SLC7A11: variants seen among roughly 807,000 people sequenced by gnomAD.
The protein encoded by SLC7A11 is solute carrier family 7 member 11.
A neutral mutation model predicts 54.5 loss-of-function variants in SLC7A11; 35 were observed. The observed-to-expected ratio is 0.64, with a 90% CI of 0.49 to 0.85. The LOEUF (loss-of-function observed/expected upper bound fraction) is 0.85, where lower values mean the gene tolerates loss of function less well. Ranked by LOEUF, SLC7A11 falls within the 40% of genes least tolerant of loss-of-function variation. The pLI is 0.00. For synonymous variants in SLC7A11, 230 were observed against 225.2 expected (o/e 1.02, Z -0.19); for missense variants, 583 against 618.1 (o/e 0.94, Z 0.60).
intron 1 of SLC7A11, among the ~76,000 whole-genome samples, chr4:138,241,457 C>G (rs1738373665): frequency 6.6e-6 from 1 of 152,160 alleles, no homozygotes; most frequent in Non-Finnish European, 1.5e-5. Flanking sequence ...AATGCCCAAG[C>G]TAAGTGTACA....
intron 1 of SLC7A11, among the ~76,000 whole-genome samples, chr4:138,237,981 G>A (rs1395420432): frequency 5.3e-5 from 8 of 150,860 alleles, no homozygotes; most frequent in South Asian, 4.2e-4. Flanking sequence ...TCAAACTCCC[G>A]ACCTCAGGTG....
intron 6 of SLC7A11, among the ~76,000 whole-genome samples, chr4:138,192,383 A>C (rs986294514): frequency 6.6e-6 from 1 of 152,192 alleles, no homozygotes; most frequent in Non-Finnish European, 1.5e-5. Context: ...AGCATGACAA[A>C]GCCACATGAT....
chr4:138,190,990 T>A (rs1345120707), intron 6 of SLC7A11, among the ~76,000 whole-genome samples: 3 of 152,188 alleles, frequency 2.0e-5, no homozygotes, highest in African/African-American at 4.8e-5. Context: ...AGTTTTCTAC[T>A]GAGTGGGAAT....
intron 1 of SLC7A11, among the ~76,000 whole-genome samples, chr4:138,237,142 C>T (rs375064210): frequency 7.3e-5 from 11 of 151,560 alleles, no homozygotes; most frequent in African/African-American, 1.9e-4. Flanking sequence ...CCCGCCACCA[C>T]GCCTGGCTAA....
intron 9 of SLC7A11, 109 bp downstream of exon 9, chr4:138,182,188 A>G (rs981794787): frequency 7.4e-6 from 5 of 675,748 alleles, no homozygotes; most frequent in African/African-American, 7.1e-5. Flanking sequence ...CATGACATAC[A>G]TTAGCAATGA....
chr4:138,182,294 T>C lies in SLC7A11; in HGVS notation c.1116+3A>G, dbSNP rs765444569. On this transcript the variant is annotated splice_donor_region_variant and intron_variant, in intron 9 of 11. Transcript: ENST00000280612. Reference sequence around the variant, plus strand: ...TCTAGATATACTTGTTAATATGCATTACCAAAACAATAACAGCTGGTAGAG... The same window carrying C: ...TCTAGATATACTTGTTAATATGCATCACCAAAACAATAACAGCTGGTAGAG... 6.3e-7 allele frequency: 1 copy of C among 1,583,928 alleles called. No individual in the cohort carries two copies.
chr4:138,211,577 T>C (rs542857373), intron 6 of SLC7A11, among the ~76,000 whole-genome samples: 7 of 152,002 alleles, frequency 4.6e-5, no homozygotes, highest in Non-Finnish European at 1.0e-4. Context: ...AAGAGATACC[T>C]GCTTTCTCAT....
rs1028761125 is a variant in SLC7A11 at position 138,164,572 on chromosome 4, T to C, written c.*7384A>G. 6.6e-6 allele frequency: 1 copy of C among 152,186 alleles called. No individual in the cohort carries two copies. The highest frequency in any genetic ancestry group is 2.4e-5 in the African/African-American group (1 of 41,462). 9.4% of individuals were successfully genotyped at this position (152,186 alleles called of 1,614,324 possible). Reference sequence around the variant, plus strand: ...TCTTCATAGATAAATATCTTAGTTCTAATATGATTGGAATGTGGATGCAGA... The same window carrying C: ...TCTTCATAGATAAATATCTTAGTTCCAATATGATTGGAATGTGGATGCAGA... On this transcript the variant is annotated 3_prime_UTR_variant, in exon 12 of 12. Coordinates refer to ENST00000280612, the MANE Select transcript of SLC7A11 (RefSeq NM_014331.4).
chr4:138,210,166 G>A (rs1164594026), intron 6 of SLC7A11, among the ~76,000 whole-genome samples: 3 of 151,918 alleles, frequency 2.0e-5, no homozygotes, highest in African/African-American at 2.4e-5. Context: ...TTCAATAAAT[G>A]GTATACCTGG....
chr4:138,205,156 C>A (rs1737378231), intron 6 of SLC7A11, among the ~76,000 whole-genome samples: 1 of 151,918 alleles, frequency 6.6e-6, no homozygotes, highest in Non-Finnish European at 1.5e-5. Context: ...GATTCGGAAG[C>A]AATTTAGAGG....
At position 138,170,122 on chromosome 4, in the gene SLC7A11, C is replaced by T. The variant is rs1736371587; in HGVS notation, c.*1834G>A. ...AATTAAAGGATGAAACATACTCTGG[C>T]CATGACTAACCATTTTACCTTAGAT... On this transcript the variant is annotated 3_prime_UTR_variant, in exon 12 of 12. Coordinates refer to ENST00000280612, the MANE Select transcript of SLC7A11 (RefSeq NM_014331.4). 6.8e-6 allele frequency: 1 copy of T among 148,140 alleles called. No homozygotes were observed. The highest frequency in any genetic ancestry group is 1.5e-5 in the Non-Finnish European group (1 of 67,194). The allele number at this position is 148,140 out of a possible 1,614,324, so 9.2% of individuals were successfully genotyped here. A position where few individuals can be genotyped will look rare whatever the true frequency, so the allele number is the denominator to read the frequency against.
At chr4:138,229,646 T>C (rs1738026426) in intron 3 of SLC7A11, among the ~76,000 whole-genome samples, 1 of 152,234 alleles carries the variant, frequency 6.6e-6, no homozygotes. Flanking sequence ...TAGAACTGTT[T>C]TAAAGTTTAG....
chr4:138,230,133 C>T lies in SLC7A11; in HGVS notation c.520+2134G>A, dbSNP rs561704765. ...GCGGGAACATGGATAGAGCTAGAGG[C>T]CATTATCCTTAGCAAACTAACACAG... On this transcript the variant is annotated intron_variant, in intron 3 of 11. Coordinates refer to ENST00000280612, the MANE Select transcript of SLC7A11 (RefSeq NM_014331.4). 5.9e-5 allele frequency among the ~76,000 whole-genome samples: 9 copies of T among 152,182 alleles called. No homozygotes were observed. In the East Asian group the frequency reaches 1.4e-3, roughly 23 times the overall value.
At chr4:138,241,733 CAGAAAGCAAGCTTTCCA>C (rs1738383973) in intron 1 of SLC7A11, 43 bp downstream of exon 1, 1 of 1,354,994 alleles carries the variant, frequency 7.4e-7, no homozygotes, top group East Asian at 2.3e-5. Flanking sequence ...TTTGCTTTCC[CAGAAAGCAAGCTTTCCA>C]GCCCCACAGC....
At position 138,183,299 on chromosome 4, in the gene SLC7A11, A is replaced by T; in HGVS notation, c.922T>A (p.Ser308Thr). 1 of 1,608,348 alleles carries T rather than the reference A, an allele frequency of 6.2e-7. No homozygotes were observed. Among genetic ancestry groups the T allele is most frequent in the Non-Finnish European group, 8.5e-7 (1 of 1,176,270 alleles). ...GAGAAATTTCCCAGTAGCCGCTCAGAAAAGGTCTAGTGAAAGAAAGAACGA... is the reference window on the plus strand; with the variant it reads ...GAGAAATTTCCCAGTAGCCGCTCAGTAAAGGTCTAGTGAAAGAAAGAACGA... ...LLSNAVAVTF[S>T]ERLLGNFSLA... The change falls in exon 8 of 12, where the codon TCT becomes ACT. Residue 308 changes from serine to threonine, a missense_variant. Ser to Thr is a moderately conservative substitution (Grantham distance 58). Transcript: ENST00000280612.
intron 11 of SLC7A11, chr4:138,178,292 T>G (rs1736632461): frequency 1.3e-5 from 2 of 152,160 alleles, no homozygotes; most frequent in South Asian, 4.1e-4. Context: ...TTCATCTATG[T>G]CCCTGCAAAG....
At position 138,242,081 on chromosome 4, in the gene SLC7A11, A is replaced by G; in HGVS notation, c.-12T>C. On this transcript the variant is annotated 5_prime_UTR_variant, in exon 1 of 12. Transcript: ENST00000280612. ...GGCTTTCTGACCATAGTAGGGACAC[A>G]CGGGGGAAAAATAAAACAGAGGGAA... 1 of 1,612,596 alleles carries G rather than the reference A, an allele frequency of 6.2e-7. No individual in the cohort carries two copies. Among genetic ancestry groups the G allele is most frequent in the Non-Finnish European group, 8.5e-7 (1 of 1,179,092 alleles).
intron 11 of SLC7A11, chr4:138,177,777 A>G (rs1056995170): frequency 6.6e-6 from 1 of 152,050 alleles, no homozygotes; most frequent in Non-Finnish European, 1.5e-5. Flanking sequence ...CTTCCTACCT[A>G]GTCATCTACT....
Position 138,171,602 on chromosome 4 carries a change from C to T in SLC7A11, c.*354G>A. ...ACCATCTTTACAAAACCCATATATA[C>T]AGAAAAATCTCAGTCTTCAATTTGA... On this transcript the variant is annotated 3_prime_UTR_variant, in exon 12 of 12. Coordinates refer to ENST00000280612, the MANE Select transcript of SLC7A11 (RefSeq NM_014331.4). The T allele has an allele frequency of 4.5e-6, 1 of 223,740 alleles. No individual in the cohort carries two copies. The highest frequency in any genetic ancestry group is 7.7e-5 in the South Asian group (1 of 13,022). The allele number at this position is 223,740 out of a possible 1,614,324, so 13.9% of individuals were successfully genotyped here.
Sources: allele counts gnomAD v4.1 joint callset (sites outside exome capture counted in the v4.1 genomes callset), GRCh38; gene constraint gnomAD v4.1.1; transcripts MANE v1.5; gene names NCBI Gene and HGNC (gene_info 2026-07-23, HGNC 2026-07-21).